PPP6R1: variants seen among roughly 807,000 people sequenced by gnomAD.
PPP6R1 encodes protein phosphatase 6 regulatory subunit 1.
PPP6R1 carries 39 observed loss-of-function variants against 104.6 expected under a neutral mutation model. The observed-to-expected ratio is 0.37, with a 90% CI of 0.29 to 0.49. PPP6R1 has a LOEUF of 0.49. Among genes scored for constraint, PPP6R1 ranks in the 20% least tolerant of loss-of-function variants. The probability of loss-of-function intolerance (pLI) is 0.98; values close to 1 mark genes in which losing one functional copy is unlikely to be tolerated. For missense variants in PPP6R1, 1,181 were observed against 1,155.8 expected (o/e 1.02, Z -0.32); for synonymous variants, 549 against 479.0 (o/e 1.15, Z -1.91).
intron 10 of PPP6R1, among the ~76,000 whole-genome samples, chr19:55,240,557 A>G (rs540366457): frequency 7.1e-6 from 1 of 141,360 alleles, no homozygotes; most frequent in South Asian, 2.2e-4. Flanking sequence ...ACACACACAC[A>G]TGCATGCACT....
At chr19:55,235,549 C>G (rs1367301426) in intron 17 of PPP6R1, among the ~76,000 whole-genome samples, 1 of 150,024 alleles carries the variant, frequency 6.7e-6, no homozygotes, top group Non-Finnish European at 1.5e-5. Flanking sequence ...GACAGAGTCT[C>G]GCTCTGTCGC....
downstream of PPP6R1, chr19:55,228,834 G>A (rs1232608029): frequency 1.5e-6 from 2 of 1,317,746 alleles, no homozygotes; most frequent in African/African-American, 1.5e-5. Flanking sequence ...AACCCAAGGA[G>A]CGTCCTGTGG....
intron 21 of PPP6R1, 81 bp from the exon 22 acceptor site, chr19:55,230,965 G>A: frequency 8.1e-7 from 1 of 1,235,446 alleles, no homozygotes; most frequent in Non-Finnish European, 1.2e-6. Flanking sequence ...CCCGACTGAA[G>A]TCGGCTCACT....
downstream of PPP6R1, chr19:55,228,660 C>A (rs746575586): frequency 1.2e-6 from 2 of 1,601,418 alleles, no homozygotes; most frequent in East Asian, 2.3e-5. Flanking sequence ...CCTGTCCCCC[C>A]AGCCCCAGGC....
At position 55,231,676 on chromosome 19, in the gene PPP6R1, G is replaced by A. The variant is rs745933078; in HGVS notation, c.2307-8C>T. 6 of 1,594,630 alleles carry A rather than the reference G, an allele frequency of 3.8e-6. No homozygotes were observed. Among genetic ancestry groups the A allele is most frequent in the Admixed American group, 3.5e-5 (2 of 57,656 alleles). The stretch of plus-strand genomic sequence containing the variant: ...GGTGTGGGGTCCTGAGACCTGGTAG[G>A]CGAGAGAGGCAGCCCAAGGGGGCAG... On this transcript the variant is annotated splice_polypyrimidine_tract_variant and splice_region_variant and intron_variant, in intron 19 of 23. Coordinates refer to ENST00000412770, the MANE Select transcript of PPP6R1 (RefSeq NM_014931.4).
intron 15 of PPP6R1, 39 bp downstream of exon 15, chr19:55,239,365 AG>A: frequency 6.4e-7 from 1 of 1,568,550 alleles, no homozygotes; most frequent in Non-Finnish European, 8.8e-7. Flanking sequence ...GCTGCTGCAG[AG>A]GCAGGACAGG....
In PPP6R1 at chr19:55,235,929, C is replaced by T. The variant is rs371341614; in HGVS notation, c.1988+714G>A. Among the ~76,000 whole-genome samples the T allele has an allele frequency of 3.3e-5, 5 of 150,824 alleles. No individual in the cohort carries two copies. The East Asian group carries it at 7.8e-4, about 23-fold the overall frequency. On this transcript the variant is annotated intron_variant, in intron 17 of 23. Transcript: ENST00000412770. ...TCTCAACTCACTGCAACCTCCGCCCCCCAGGGTAAAGCGATCCTTCCACCT... is the reference window on the plus strand; with the variant it reads ...TCTCAACTCACTGCAACCTCCGCCCTCCAGGGTAAAGCGATCCTTCCACCT...
In PPP6R1 at chr19:55,232,280, C is replaced by T. The variant is rs114831625; in HGVS notation, c.1989-69G>A. 1,725 of 1,478,556 alleles carry T rather than the reference C, an allele frequency of 1.2e-3. 12 individuals are homozygous for T. In the African/African-American group the frequency reaches 0.02, roughly 18 times the overall value. The allele number at this position is 1,478,556 out of a possible 1,614,324, so 91.6% of individuals were successfully genotyped here. A position where few individuals can be genotyped will look rare whatever the true frequency, so the allele number is the denominator to read the frequency against. On this transcript the variant is annotated intron_variant, in intron 17 of 23. Transcript: ENST00000412770. ...CGGCCGACACCCATCCTGTTCCCTG[C>T]AGCCCAGGGTCAGCCCAAGGAGAGC...
At chr19:55,234,753 C>T (rs949294817) in intron 17 of PPP6R1, among the ~76,000 whole-genome samples, 12 of 152,172 alleles carry the variant, frequency 7.9e-5, no homozygotes, top group Admixed American at 7.2e-4. Flanking sequence ...ATGGCACTGC[C>T]CCACTGCACG....
At position 55,239,917 on chromosome 19, in the gene PPP6R1, T is replaced by C. The variant is rs772674048; in HGVS notation, c.1478-6A>G. Reference sequence around the variant, plus strand: ...CTGCTGCTCGCTGGGCAGCTCTGCTTAGGTGAGAGGGGTGAAGACGTGAGG... The same window carrying C: ...CTGCTGCTCGCTGGGCAGCTCTGCTCAGGTGAGAGGGGTGAAGACGTGAGG... On this transcript the variant is annotated splice_polypyrimidine_tract_variant and splice_region_variant and intron_variant, in intron 12 of 23. Coordinates refer to ENST00000412770, the MANE Select transcript of PPP6R1 (RefSeq NM_014931.4). 5.0e-6 allele frequency: 8 copies of C among 1,613,828 alleles called. No homozygotes were observed. Among genetic ancestry groups the C allele is most frequent in the Non-Finnish European group, 5.9e-6 (7 of 1,179,846 alleles).
chr19:55,230,694 G>T lies in PPP6R1; in HGVS notation c.2571-10C>A. ...CGTGAGGGCCTGGGCACTGTCAGGG[G>T]AGAGAGGGGATGTGCAGAGGTCACT... On this transcript the variant is annotated splice_polypyrimidine_tract_variant and intron_variant, in intron 22 of 23. Transcript: ENST00000412770. 2 of 1,576,664 alleles carry T rather than the reference G, an allele frequency of 1.3e-6. No individual in the cohort carries two copies. The highest frequency in any genetic ancestry group is 8.6e-7 in the Non-Finnish European group (1 of 1,162,776).
Position 55,241,744 on chromosome 19 carries a change from A to T in PPP6R1, c.846-105T>A. ...CTGCAGGGTCTGGAGGAAAACGAGG[A>T]GCCACATGCCCCCAGCGCCGCTCTC... On this transcript the variant is annotated intron_variant, in intron 7 of 23. Transcript: ENST00000412770. This position sits in a 1 kb window ranked among gnomAD's most constrained non-coding sequence, Gnocchi z 5.4. 7.5e-7 allele frequency: 1 copy of T among 1,329,244 alleles called. No individual in the cohort carries two copies. The highest frequency in any genetic ancestry group is 1.5e-5 in the African/African-American group (1 of 67,204). The allele number at this position is 1,329,244 out of a possible 1,614,324, so 82.3% of individuals were successfully genotyped here. A position where few individuals can be genotyped will look rare whatever the true frequency, so the allele number is the denominator to read the frequency against.
intron 1 of PPP6R1, among the ~76,000 whole-genome samples, chr19:55,256,511 A>C (rs2087594633): frequency 6.6e-6 from 1 of 152,192 alleles, no homozygotes; most frequent in Admixed American, 6.5e-5. Context: ...TCCCAAATCA[A>C]ATAATAATCG....
rs544394400 is a variant in PPP6R1, at chr19:55,240,554, C to T, written c.1297-254G>A. ...ACACACACACACACACACACACACA[C>T]ACATGCATGCACTAACGGACACACA... is the stretch of plus-strand genomic sequence containing the variant. On this transcript the variant is annotated intron_variant, in intron 10 of 23. Coordinates refer to ENST00000412770, the MANE Select transcript of PPP6R1 (RefSeq NM_014931.4). Among the ~76,000 whole-genome samples, 59 of 149,960 alleles carry T rather than the reference C, an allele frequency of 3.9e-4. No homozygotes were observed. In the South Asian group the frequency reaches 0.011, roughly 28 times the overall value.
intron 1 of PPP6R1, among the ~76,000 whole-genome samples, chr19:55,253,127 G>A (rs922667200): frequency 6.6e-6 from 1 of 152,352 alleles, no homozygotes; most frequent in African/African-American, 2.4e-5. Flanking sequence ...CGGGATAGGA[G>A]CAGCACCAAG....
intron 5 of PPP6R1, among the ~76,000 whole-genome samples, chr19:55,244,859 T>C (rs1479516229): frequency 1.3e-5 from 2 of 152,038 alleles, no homozygotes. Flanking sequence ...TCCTCCTACC[T>C]GAGCTTCCCA....
chr19:55,241,131 C>G lies in PPP6R1; in HGVS notation c.1162-52G>C. 1 of 1,527,482 alleles carries G rather than the reference C, an allele frequency of 6.5e-7. No homozygotes were observed. The highest frequency in any genetic ancestry group is 8.8e-7 in the Non-Finnish European group (1 of 1,136,204). The allele number at this position is 1,527,482 out of a possible 1,614,324, so 94.6% of individuals were successfully genotyped here. On this transcript the variant is annotated intron_variant, in intron 9 of 23. Transcript: ENST00000412770. The surrounding 1 kb of genome is among the most constrained non-coding windows in gnomAD (Gnocchi z 5.4). ...AGAGAGGCCCCGCCCCAGCCGAGCC[C>G]CCAACCCCTGAGCCCCCAGCCGAGC...
chr19:55,236,921 C>T lies in PPP6R1; in HGVS notation c.1801G>A (p.Asp601Asn), dbSNP rs201392220. The change falls in exon 16 of 24, where the codon GAT becomes AAT. Residue 601 changes from aspartate (D) to asparagine (N), a missense_variant. Physicochemically the swap from Asp to Asn is conservative, Grantham distance 23. Around this residue, in one of 2 missense-constraint regions of PPP6R1, gnomAD observed 1,042 missense variants for 955.6 expected, o/e 1.09. Transcript: ENST00000412770. ...ANITFSLNAD[D>N]ENPNANLLEI... ...GACAGGGCAGTACTCACGTTCTCAT[C>T]GTCAGCATTGAGGGAGAAGGTGATG... The T allele has an allele frequency of 3.7e-6, 6 of 1,613,188 alleles. No homozygotes were observed. Among genetic ancestry groups the T allele is most frequent in the Middle Eastern group, 1.7e-4 (1 of 6,058 alleles).
In PPP6R1 at chr19:55,241,226, C is replaced by T. The variant is rs1383585286; in HGVS notation, c.1161+13G>A. 13 of 1,546,106 alleles carry T rather than the reference C, an allele frequency of 8.4e-6. No individual in the cohort carries two copies. The highest frequency in any genetic ancestry group is 3.8e-4 in the Middle Eastern group (2 of 5,276). On this transcript the variant is annotated intron_variant, in intron 9 of 23. Transcript: ENST00000412770. This position sits in a 1 kb window ranked among gnomAD's most constrained non-coding sequence, Gnocchi z 5.4. ...CCAGCCCCTGAACCCCCAGCCCGGT[C>T]CAGTCCCCGCACCAGCATGGTGTTG...
Sources: gnomAD v4.1 joint callset for allele counts (sites outside exome capture counted in the v4.1 genomes callset) on GRCh38, gnomAD v4.1.1 for gene constraint, gnomAD v4.1.1 regional missense constraint, Gnocchi (gnomAD v3.1) non-coding constraint, MANE v1.5 for transcripts, NCBI Gene and HGNC (gene_info 2026-07-23, HGNC 2026-07-21) for gene names.